The following ZNF106 variants were observed in gnomAD, a reference collection of about 807,000 sequenced individuals.
ZNF106 encodes the protein zinc finger protein 106.
In ZNF106, 67 loss-of-function variants were observed where a neutral mutation model predicts 195.1. The observed-to-expected ratio is 0.34, with a 90% confidence interval of 0.28 to 0.42. The LOEUF is 0.42. Among genes scored for constraint, ZNF106 ranks in the 10% least tolerant of loss-of-function variants. The pLI is 1.00. For missense variants in ZNF106, 2,118 were observed against 2,304.5 expected (o/e 0.92, Z 1.66); for synonymous variants, 784 against 818.6 (o/e 0.96, Z 0.72).
chr15:42,429,550 G>A (rs2141283338), intron 14 of ZNF106, among the ~76,000 whole-genome samples: 1 of 152,082 alleles, frequency 6.6e-6, no homozygotes, highest in South Asian at 2.1e-4. Flanking sequence ...TGGGTAGGAT[G>A]AGAAAAGCTG....
intron 14 of ZNF106, among the ~76,000 whole-genome samples, chr15:42,433,965 C>A (rs191985066): frequency 1.3e-3 from 202 of 152,254 alleles, no homozygotes; most frequent in Non-Finnish European, 2.1e-3. Flanking sequence ...CCTCCCACCT[C>A]AGCCTCCCAA....
chr15:42,443,104 G>A (rs559348013), intron 9 of ZNF106, among the ~76,000 whole-genome samples: 1 of 152,204 alleles, frequency 6.6e-6, no homozygotes, highest in Non-Finnish European at 1.5e-5. Context: ...CTGGGCTCAA[G>A]GAATCCACCT....
chr15:42,461,895 C>T (rs2056399339), intron 3 of ZNF106, among the ~76,000 whole-genome samples: 1 of 152,138 alleles, frequency 6.6e-6, no homozygotes, highest in East Asian at 1.9e-4. Context: ...ACCGTCCTTA[C>T]AGTAAATGCT....
At chr15:42,466,730 C>T (rs912886071) in intron 2 of ZNF106, among the ~76,000 whole-genome samples, 1 of 152,228 alleles carries the variant, frequency 6.6e-6, no homozygotes, top group Non-Finnish European at 1.5e-5. Flanking sequence ...TCCACTCCCT[C>T]ACTTCCCCAG....
intron 1 of ZNF106, among the ~76,000 whole-genome samples, chr15:42,489,045 T>A (rs1327638394): frequency 2.1e-5 from 3 of 139,608 alleles, no homozygotes; most frequent in African/African-American, 8.1e-5. Context: ...GCCACTGCAC[T>A]CCAGCCTGGG....
At chr15:42,419,139 C>G (rs1161836264) in intron 20 of ZNF106, among the ~76,000 whole-genome samples, 1 of 151,196 alleles carries the variant, frequency 6.6e-6, no homozygotes, top group Non-Finnish European at 1.5e-5. Context: ...GATGCTGAGG[C>G]AGGCGGATCA....
In ZNF106 at chr15:42,450,691, G is replaced by C. The variant is rs2055980461; in HGVS notation, c.1581C>G (p.Ser527=). 4.3e-6 allele frequency: 7 copies of C among 1,614,008 alleles called. No homozygotes were observed. Among genetic ancestry groups the C allele is most frequent in the Admixed American group, 1.7e-5 (1 of 59,984 alleles). ...TVEDNHGPYI[S]KLRSSCPHVL... Reference sequence around the variant, plus strand: ...CATGAGGACATGAACTACGCAGTTTGGATATGTAAGGACCATGGTTATCTT... The same window carrying C: ...CATGAGGACATGAACTACGCAGTTTCGATATGTAAGGACCATGGTTATCTT... Residue 527 remains serine (S), a synonymous_variant, in exon 5 of 22, where the codon TCC becomes TCG. Transcript: ENST00000564754.
chr15:42,449,886 C>T lies in ZNF106; in HGVS notation c.2386G>A (p.Gly796Arg). Residue 796 changes from glycine (G) to arginine (R), a missense_variant, in exon 5 of 22, where the codon GGG becomes AGG. By Grantham distance (125) the Gly-to-Arg change is moderately radical. Coordinates refer to ENST00000564754, the MANE Select transcript of ZNF106 (RefSeq NM_001366845.3). ...HRKSETEKESGLKPTLRQILN... is the reference protein window; with the variant it reads ...HRKSETEKESRLKPTLRQILN... ...ATCTGCCGTAGGGTTGGCTTGAGCC[C>T]AGACTCCTTCTCTGTCTCACTCTTT... The T allele has an allele frequency of 6.2e-7, 1 of 1,614,158 alleles. No homozygotes were observed. The highest frequency in any genetic ancestry group is 8.5e-7 in the Non-Finnish European group (1 of 1,180,030).
At chr15:42,418,812 C>T (rs1294597958) in intron 20 of ZNF106, among the ~76,000 whole-genome samples, 1 of 152,098 alleles carries the variant, frequency 6.6e-6, no homozygotes, top group Non-Finnish European at 1.5e-5. Context: ...CCTGACTTTA[C>T]TCACAACCTT....
In ZNF106 at chr15:42,466,711, T is replaced by C. The variant is rs150185395; in HGVS notation, c.55-597A>G. 1.9e-3 allele frequency among the ~76,000 whole-genome samples: 293 copies of C among 152,360 alleles called. 2 individuals carry two copies. The highest frequency in any genetic ancestry group is 6.7e-3 in the African/African-American group (278 of 41,576). Reference sequence around the variant, plus strand: ...ACATAGCAGCTTAATCAATCCTTTATCTTCACTGTCCACTCCCTCACTTCC... The same window carrying C: ...ACATAGCAGCTTAATCAATCCTTTACCTTCACTGTCCACTCCCTCACTTCC... On this transcript the variant is annotated intron_variant, in intron 2 of 21. Transcript: ENST00000564754.
At chr15:42,432,988 A>G (rs1033269180) in intron 14 of ZNF106, among the ~76,000 whole-genome samples, 7 of 152,194 alleles carry the variant, frequency 4.6e-5, no homozygotes, top group African/African-American at 1.4e-4. Context: ...CTCACATTTC[A>G]TATAATTATT....
At chr15:42,490,608 G>A (rs1055310989) in intron 1 of ZNF106, among the ~76,000 whole-genome samples, 2 of 152,212 alleles carry the variant, frequency 1.3e-5, no homozygotes, top group African/African-American at 4.8e-5. Context: ...GTCGCGAGAG[G>A]TTGAAATGTG....
chr15:42,472,372 A>G (rs1256936755), intron 1 of ZNF106, 51 bp from the exon 2 acceptor site: 3 of 1,378,748 alleles, frequency 2.2e-6, no homozygotes, highest in Non-Finnish European at 3.0e-6. Flanking sequence ...GTACCTTCTT[A>G]CATTCATCTT....
In ZNF106 at chr15:42,435,514, C is replaced by T. The variant is rs759369172; in HGVS notation, c.4751G>A (p.Arg1584Gln). 1.9e-6 allele frequency: 3 copies of T among 1,614,014 alleles called. No homozygotes were observed. Among genetic ancestry groups the T allele is most frequent in the African/African-American group, 1.3e-5 (1 of 74,976 alleles). The part of the protein sequence containing the change: ...KTVRVYNLVS[R>Q]KCIGVFEGHT... Reference sequence around the variant, plus strand: ...ACCCTCAAAGACACCAATACATTTCCGACTCTAAAGTTTAAGCACAGACCA... The same window carrying T: ...ACCCTCAAAGACACCAATACATTTCTGACTCTAAAGTTTAAGCACAGACCA... Residue 1584 changes from arginine (R) to glutamine (Q), a missense_variant, in exon 14 of 22, where the codon CGG (arginine) becomes CAG (glutamine). Physicochemically the swap from Arg to Gln is conservative, Grantham distance 43. Transcript: ENST00000564754.
Position 42,463,896 on chromosome 15 carries a change from CATA to C in ZNF106, c.116+2154_116+2156del, listed in dbSNP as rs1414606461. On this transcript the variant is annotated intron_variant, in intron 3 of 21. Transcript: ENST00000564754. ...TATTGCTGCTAAGACCTAACCTTCA[CATA>C]ATAAGAGACTGGGGGCAGGGAAAAA... Among the ~76,000 whole-genome samples the C allele has an allele frequency of 2.0e-5, 3 of 152,182 alleles. No individual in the cohort carries two copies. The East Asian group carries it at 5.8e-4, about 29-fold the overall frequency.
At chr15:42,471,397 G>A (rs1260095255) in intron 2 of ZNF106, among the ~76,000 whole-genome samples, 5 of 152,088 alleles carry the variant, frequency 3.3e-5, no homozygotes, top group African/African-American at 9.7e-5. Flanking sequence ...GCAGGTAAAG[G>A]CAAAAAGTGA....
At position 42,439,216 on chromosome 15, in the gene ZNF106, G is replaced by T. The variant is rs745318206; in HGVS notation, c.4361C>A (p.Pro1454His). The T allele has an allele frequency of 6.2e-7, 1 of 1,614,064 alleles. No individual in the cohort carries two copies. The highest frequency in any genetic ancestry group is 1.1e-5 in the South Asian group (1 of 91,078). Residue 1454 changes from proline (P) to histidine (H), a missense_variant, in exon 11 of 22, where the codon CCT becomes CAT. By Grantham distance (77) the Pro-to-His change is moderately conservative. Coordinates refer to ENST00000564754, the MANE Select transcript of ZNF106 (RefSeq NM_001366845.3). ...ATCAATGGCTACTACTTCTAACTGAGGATTAGGAATTTCTAGGACTTCCAG... is the reference window on the plus strand; with the variant it reads ...ATCAATGGCTACTACTTCTAACTGATGATTAGGAATTTCTAGGACTTCCAG... ...SSLEVLEIPN[P>H]QLEVVAIDSS...
At chr15:42,445,518 A>AT (rs1279764539) in intron 7 of ZNF106, among the ~76,000 whole-genome samples, 1 of 152,180 alleles carries the variant, frequency 6.6e-6, no homozygotes, top group Non-Finnish European at 1.5e-5. Flanking sequence ...ATTTACCATC[A>AT]TTGTGTTTGT....
At chr15:42,456,886 A>G in intron 4 of ZNF106, 72 bp downstream of exon 4, 1 of 1,409,886 alleles carries the variant, frequency 7.1e-7, no homozygotes, top group Non-Finnish European at 9.7e-7. Flanking sequence ...GCTGACCAGT[A>G]CAAAGATATA....
Sources: gnomAD v4.1 joint callset for allele counts (sites outside exome capture counted in the v4.1 genomes callset) on GRCh38, gnomAD v4.1.1 for gene constraint, MANE v1.5 for transcripts, NCBI Gene and HGNC (gene_info 2026-07-23, HGNC 2026-07-21) for gene names.